Variants in NLK observed in about 807,000 individuals in gnomAD.
NLK encodes the protein nemo like kinase, also known as serine/threonine-protein kinase NLK.
In NLK, 11 loss-of-function variants were observed where a neutral mutation model predicts 59.0. The ratio of observed to expected loss-of-function variants is 0.19; its 90% CI spans 0.12 to 0.31. The LOEUF is 0.31. NLK is among the 10% of genes least tolerant of loss of function. The pLI, the probability that NLK is intolerant of heterozygous loss-of-function variation, is 1.00. For synonymous variants in NLK, 235 were observed against 235.9 expected, an observed-to-expected ratio of 1.00 and a Z score of 0.03; for missense variants, 410 against 661.1, an observed-to-expected ratio of 0.62 and a Z score of 4.16.
At chr17:28,120,235 G>GGGGTGT (rs1264000431) in intron 1 of NLK, among the ~76,000 whole-genome samples, 52 of 139,086 alleles carry the variant, frequency 3.7e-4, no homozygotes, top group African/African-American at 1.3e-3. Flanking sequence ...TTTGGCTTGG[G>GGGGTGT]GTGTGTGTGT....
intron 3 of NLK, among the ~76,000 whole-genome samples, chr17:28,156,178 A>G (rs906622952): frequency 3.3e-5 from 5 of 152,192 alleles, no homozygotes; most frequent in South Asian, 2.1e-4. Flanking sequence ...CCAGTAGTAT[A>G]TAAGTATATA....
intron 1 of NLK, among the ~76,000 whole-genome samples, chr17:28,087,509 C>T (rs1910555262): frequency 6.6e-6 from 1 of 152,096 alleles, no homozygotes; most frequent in African/African-American, 2.4e-5. Flanking sequence ...ATCATTATCT[C>T]GCCAATGGGA....
chr17:28,077,832 A>T (rs759651390), intron 1 of NLK, among the ~76,000 whole-genome samples: 2 of 152,228 alleles, frequency 1.3e-5, no homozygotes, highest in Non-Finnish European at 2.9e-5. Flanking sequence ...TTTTTATAGT[A>T]TTAACCTTAT....
rs201753430 is a variant in NLK, at chr17:28,064,759, G to GT, written c.458+21434dup. On this transcript the variant is annotated intron_variant, in intron 1 of 10. Coordinates refer to ENST00000407008, the MANE Select transcript of NLK (RefSeq NM_016231.5). ...AGTCTACCTAGATTCACATTCTGCT[G>GT]TTTTTTATTGGCCATGTGCCTTTCG... Among the ~76,000 whole-genome samples the GT allele has an allele frequency of 6.9e-3, 1,053 of 152,244 alleles. 16 individuals are homozygous for GT. Among genetic ancestry groups the GT allele is most frequent in the African/African-American group, 0.024 (998 of 41,540 alleles).
At chr17:28,187,213 G>A (rs1040489592) in intron 8 of NLK, among the ~76,000 whole-genome samples, 6 of 152,186 alleles carry the variant, frequency 3.9e-5, no homozygotes, top group African/African-American at 1.4e-4. Flanking sequence ...CAAGAACCAT[G>A]TAACTCACCT....
At chr17:28,203,200 C>CACACACACACACACACACAG in the NLK span, among the ~76,000 whole-genome samples, 7 of 150,962 alleles carry the variant, frequency 4.6e-5, no homozygotes, top group African/African-American at 1.7e-4. Flanking sequence ...CACACACACA[C>CACACACACACACACACACAG]AGTCTCAGTC....
intron 4 of NLK, among the ~76,000 whole-genome samples, chr17:28,162,033 T>C (rs1908026834): frequency 6.6e-6 from 1 of 152,124 alleles, no homozygotes; most frequent in South Asian, 2.1e-4. Context: ...AATTTTTTTT[T>C]CAGACAGAGT....
At chr17:28,132,389 G>A (rs973752848) in intron 2 of NLK, among the ~76,000 whole-genome samples, 6 of 152,146 alleles carry the variant, frequency 3.9e-5, no homozygotes, top group Admixed American at 6.5e-5. Flanking sequence ...TTTTGGTAGC[G>A]TGTGGTGTAA....
At chr17:28,051,002 C>T (rs547511447) in intron 1 of NLK, among the ~76,000 whole-genome samples, 28 of 151,140 alleles carry the variant, frequency 1.9e-4, no homozygotes, top group African/African-American at 6.8e-4. Flanking sequence ...GTCCCAGCTA[C>T]TCAGGAGTCT....
chr17:28,193,335 G>A (rs1321514522), intron 10 of NLK, among the ~76,000 whole-genome samples: 5 of 152,190 alleles, frequency 3.3e-5, no homozygotes, highest in East Asian at 1.9e-4. Flanking sequence ...CACACAGCAC[G>A]AGGGTGGTGC....
chr17:28,178,394 G>A (rs1908766899), intron 7 of NLK, among the ~76,000 whole-genome samples: 1 of 152,148 alleles, frequency 6.6e-6, no homozygotes. Context: ...GGAATCCTGG[G>A]CAGAATAAAA....
downstream of NLK, among the ~76,000 whole-genome samples, chr17:28,199,291 A>G (rs547058055): frequency 6.6e-6 from 1 of 152,294 alleles, no homozygotes; most frequent in South Asian, 2.1e-4. Context: ...GGAAAATGGT[A>G]TGCCAGTTCC....
intron 1 of NLK, among the ~76,000 whole-genome samples, chr17:28,114,757 T>G (rs1905686976): frequency 6.6e-6 from 1 of 152,198 alleles, no homozygotes. Context: ...GAGGTTCATC[T>G]TGTTTTTCCA....
At chr17:28,196,384 T>A (rs1221857189), downstream of NLK, 1 of 152,666 alleles carries the variant, frequency 6.6e-6, no homozygotes, top group Non-Finnish European at 1.5e-5. Context: ...TTGAAAAAGA[T>A]GTGTCATCTG....
chr17:28,085,323 T>C (rs770835284), intron 1 of NLK, among the ~76,000 whole-genome samples: 1 of 152,200 alleles, frequency 6.6e-6, no homozygotes, highest in Non-Finnish European at 1.5e-5. Context: ...TTTGGAGCAT[T>C]CTTCACAAAT....
In NLK at chr17:28,118,549, A is replaced by G. The variant is rs35712025; in HGVS notation, c.459-4054A>G. ...AGTGGCTGAGAAAGTATTCCCAATAATAAGTTTCACTTTTGTTTCATTACA... is the reference window on the plus strand; with the variant it reads ...AGTGGCTGAGAAAGTATTCCCAATAGTAAGTTTCACTTTTGTTTCATTACA... On this transcript the variant is annotated intron_variant, in intron 1 of 10. Coordinates refer to ENST00000407008, the MANE Select transcript of NLK (RefSeq NM_016231.5). 8.8e-3 allele frequency among the ~76,000 whole-genome samples: 1,347 copies of G among 152,320 alleles called. 21 individuals carry two copies. Among genetic ancestry groups the G allele is most frequent in the African/African-American group, 0.031 (1,270 of 41,554 alleles).
chr17:28,098,808 G>T lies in NLK; in HGVS notation c.459-23795G>T, dbSNP rs950778153. 4.7e-5 allele frequency among the ~76,000 whole-genome samples: 7 copies of T among 148,932 alleles called. No homozygotes were observed. The East Asian group carries it at 1.4e-3, about 30-fold the overall frequency. On this transcript the variant is annotated intron_variant, in intron 1 of 10. Transcript: ENST00000407008. ...AGTGATTTTCCTGCCTTAGCCTCCTGAGTAGCTGCGATTACAGACATGCGC... is the reference window on the plus strand; with the variant it reads ...AGTGATTTTCCTGCCTTAGCCTCCTTAGTAGCTGCGATTACAGACATGCGC...
chr17:28,107,596 C>G (rs1274581171), intron 1 of NLK, among the ~76,000 whole-genome samples: 1 of 151,946 alleles, frequency 6.6e-6, no homozygotes, highest in African/African-American at 2.4e-5. Flanking sequence ...TGAAAAAACT[C>G]TAAGAATAAT....
At chr17:28,105,175 G>C (rs923747945) in intron 1 of NLK, among the ~76,000 whole-genome samples, 1 of 152,112 alleles carries the variant, frequency 6.6e-6, no homozygotes, top group African/African-American at 2.4e-5. Context: ...CGAGGTTTCT[G>C]TCACAGCTAA....
Sources: allele counts gnomAD v4.1 joint callset (sites outside exome capture counted in the v4.1 genomes callset), GRCh38; gene constraint gnomAD v4.1.1; transcripts MANE v1.5; gene names NCBI Gene and HGNC (gene_info 2026-07-23, HGNC 2026-07-21).